Variants in FGF2 observed in about 807,000 individuals in gnomAD.
FGF2 encodes the protein basic fibroblast growth factor bFGF.
Under a neutral mutation model 15.9 loss-of-function variants are expected in FGF2, and 13 were observed. The ratio of observed to expected loss-of-function variants is 0.82; its 90% CI spans 0.53 to 1.30. FGF2 has a LOEUF of 1.30. FGF2 is among the 50% of genes most tolerant of loss of function. The pLI, the probability that FGF2 is intolerant of heterozygous loss-of-function variation, is 0.00. For synonymous variants in FGF2, 90 were observed against 78.4 expected (o/e 1.15, Z -0.78); for missense variants, 163 against 196.9 (o/e 0.83, Z 1.03).
chr4:122,895,305 G>T lies in FGF2; in HGVS notation c.*2909G>T, dbSNP rs1318236660. On this transcript the variant is annotated 3_prime_UTR_variant, in exon 3 of 3. Transcript: ENST00000644866. ...GTTTGAAGAACATAGGAAAAACTAA[G>T]AGGTTTTGTTTTTATTTTTGCTGAT... The T allele has an allele frequency of 1.3e-5, 2 of 152,202 alleles. No individual in the cohort carries two copies. The highest frequency in any genetic ancestry group is 2.9e-5 in the Non-Finnish European group (2 of 68,036). 9.4% of individuals were successfully genotyped at this position (152,202 alleles called of 1,614,324 possible). A position where few individuals can be genotyped will look rare whatever the true frequency, so the allele number is the denominator to read the frequency against.
At chr4:122,854,582 T>G (rs185190161) in intron 1 of FGF2, among the ~76,000 whole-genome samples, 1 of 152,350 alleles carries the variant, frequency 6.6e-6, no homozygotes, top group African/African-American at 2.4e-5. Flanking sequence ...GAAGAGGTCC[T>G]GTTTTCTTAC....
intron 1 of FGF2, among the ~76,000 whole-genome samples, chr4:122,847,944 A>C (rs908604774): frequency 6.6e-6 from 1 of 152,180 alleles, no homozygotes; most frequent in Non-Finnish European, 1.5e-5. Flanking sequence ...ATTCTAAAAC[A>C]CCCTTACAGA....
chr4:122,882,040 T>A (rs1726969794), intron 2 of FGF2: 1 of 152,184 alleles, frequency 6.6e-6, no homozygotes, highest in Admixed American at 6.5e-5. Flanking sequence ...AACCATAAGA[T>A]CTCATGAGAC....
intron 1 of FGF2, among the ~76,000 whole-genome samples, chr4:122,830,707 G>A (rs191042879): frequency 6.9e-6 from 1 of 145,946 alleles, no homozygotes; most frequent in African/African-American, 2.5e-5. Flanking sequence ...TCAGAAGAGA[G>A]AACACTTTAT....
At chr4:122,829,664 A>G (rs1725718826) in intron 1 of FGF2, among the ~76,000 whole-genome samples, 1 of 152,144 alleles carries the variant, frequency 6.6e-6, no homozygotes, top group Admixed American at 6.5e-5. Flanking sequence ...CCCAAGCAGT[A>G]TACACTGAAT....
intron 2 of FGF2, among the ~76,000 whole-genome samples, chr4:122,883,824 A>T (rs1233955041): frequency 6.6e-6 from 1 of 152,198 alleles, no homozygotes; most frequent in Non-Finnish European, 1.5e-5. Flanking sequence ...TCAGTATTAG[A>T]ATGTAATTTG....
intron 2 of FGF2, among the ~76,000 whole-genome samples, chr4:122,879,360 T>C (rs1210005274): frequency 1.3e-5 from 2 of 152,240 alleles, no homozygotes; most frequent in African/African-American, 4.8e-5. Context: ...TCACTATGCT[T>C]CTGCAGTAGA....
intron 1 of FGF2, among the ~76,000 whole-genome samples, chr4:122,856,882 C>A (rs1726353407): frequency 6.6e-6 from 1 of 152,198 alleles, no homozygotes; most frequent in Non-Finnish European, 1.5e-5. Context: ...AACTACCCAT[C>A]TGTTCTCCAT....
intron 1 of FGF2, among the ~76,000 whole-genome samples, chr4:122,863,169 T>C (rs1726507110): frequency 6.6e-6 from 1 of 152,230 alleles, no homozygotes; most frequent in Admixed American, 6.5e-5. Context: ...TTCTATGCCC[T>C]GTCTCTATCA....
intron 1 of FGF2, among the ~76,000 whole-genome samples, chr4:122,841,256 C>G (rs1314746515): frequency 1.3e-5 from 2 of 152,222 alleles, no homozygotes; most frequent in African/African-American, 4.8e-5. Context: ...TGGCCACTTT[C>G]ACACTACAAT....
chr4:122,844,607 C>T (rs967071388), intron 1 of FGF2, among the ~76,000 whole-genome samples: 6 of 140,374 alleles, frequency 4.3e-5, no homozygotes, highest in Non-Finnish European at 6.2e-5. Context: ...TCCTTCCTTC[C>T]TTCCTTCCTT....
chr4:122,838,538 G>A (rs1295505871), intron 1 of FGF2, among the ~76,000 whole-genome samples: 1 of 152,146 alleles, frequency 6.6e-6, no homozygotes, highest in Admixed American at 6.5e-5. Context: ...CATAACAACT[G>A]GTGATTGTGC....
At chr4:122,862,272 T>C (rs1008363810) in intron 1 of FGF2, among the ~76,000 whole-genome samples, 2 of 152,190 alleles carry the variant, frequency 1.3e-5, no homozygotes, top group African/African-American at 4.8e-5. Context: ...TCTCTAAATA[T>C]CAGCTTCCTT....
chr4:122,872,370 C>A (rs1454242065), intron 1 of FGF2, among the ~76,000 whole-genome samples: 2 of 152,042 alleles, frequency 1.3e-5, no homozygotes, highest in Non-Finnish European at 2.9e-5. Context: ...AAATATGGGA[C>A]TTCATAAAAA....
intron 1 of FGF2, among the ~76,000 whole-genome samples, chr4:122,857,017 G>C (rs77780325): frequency 0.033 from 4,957 of 152,300 alleles, 276 homozygotes; most frequent in African/African-American, 0.11. Context: ...GGTATTTATA[G>C]ATGCATGTCG....
Position 122,892,418 on chromosome 4 carries a change from T to G in FGF2, c.*22T>G. 1 of 1,612,198 alleles carries G rather than the reference T, an allele frequency of 6.2e-7. No individual in the cohort carries two copies. The highest frequency in any genetic ancestry group is 8.5e-7 in the Non-Finnish European group (1 of 1,178,318). On this transcript the variant is annotated 3_prime_UTR_variant, in exon 3 of 3. Coordinates refer to ENST00000644866, the MANE Select transcript of FGF2 (RefSeq NM_001361665.2). ...CTGATTTTAATGGCCACATCTAATC[T>G]CATTTCACATGAAAGAAGAAGTATA...
Position 122,898,019 on chromosome 4 carries a change from T to C in FGF2, c.*5623T>C, listed in dbSNP as rs972278038. 11 of 204,638 alleles carry C rather than the reference T, an allele frequency of 5.4e-5. No homozygotes were observed. The highest frequency in any genetic ancestry group is 1.4e-4 in the African/African-American group (6 of 42,964). 12.7% of individuals were successfully genotyped at this position (204,638 alleles called of 1,614,324 possible). The stretch of plus-strand genomic sequence containing the variant: ...TTGCTGCTAGTTAACTATGAACAGA[T>C]AGAAGAATCTTACAGATGCTGCTAT... On this transcript the variant is annotated 3_prime_UTR_variant, in exon 3 of 3. Transcript: ENST00000644866.
In FGF2 at chr4:122,897,934, T is replaced by G; in HGVS notation, c.*5538T>G. ...GGTTTTGTTTGGTTAACGTGATACATTCTGTATGAATGAAACATTGGAGGG... is the reference window on the plus strand; with the variant it reads ...GGTTTTGTTTGGTTAACGTGATACAGTCTGTATGAATGAAACATTGGAGGG... On this transcript the variant is annotated 3_prime_UTR_variant, in exon 3 of 3. Coordinates refer to ENST00000644866, the MANE Select transcript of FGF2 (RefSeq NM_001361665.2). The G allele has an allele frequency of 2.4e-6, 1 of 411,704 alleles. No individual in the cohort carries two copies. The highest frequency in any genetic ancestry group is 4.4e-6 in the Non-Finnish European group (1 of 229,480). The allele number at this position is 411,704 out of a possible 1,614,324, so 25.5% of individuals were successfully genotyped here. A position where few individuals can be genotyped will look rare whatever the true frequency, so the allele number is the denominator to read the frequency against.
chr4:122,837,895 G>C (rs1725898593), intron 1 of FGF2, among the ~76,000 whole-genome samples: 1 of 151,986 alleles, frequency 6.6e-6, no homozygotes, highest in South Asian at 2.1e-4. Context: ...TTTGGGGTAA[G>C]GCATTTATTT....
Sources: allele counts gnomAD v4.1 joint callset (sites outside exome capture counted in the v4.1 genomes callset), GRCh38; gene constraint gnomAD v4.1.1; transcripts MANE v1.5; gene names NCBI Gene and HGNC (gene_info 2026-07-23, HGNC 2026-07-21).